The following OBSL1 variants were observed in gnomAD, a reference collection of about 807,000 sequenced individuals.
The protein encoded by OBSL1 is obscurin like cytoskeletal adaptor 1.
Under a neutral mutation model 172.0 loss-of-function variants are expected in OBSL1, and 160 were observed. That is an observed-to-expected ratio of 0.93 (90% CI 0.82 to 1.06). OBSL1 has a LOEUF of 1.06. Ranked by LOEUF, OBSL1 falls within the 50% of genes least tolerant of loss-of-function variation. The probability of loss-of-function intolerance (pLI) is 0.00; values close to 1 mark genes in which losing one functional copy is unlikely to be tolerated. For missense variants in OBSL1, 2,681 were observed against 2,715.4 expected (o/e 0.99, Z 0.28); for synonymous variants, 1,200 against 1,196.3 (o/e 1.00, Z -0.06).
rs556686718 is a variant in OBSL1 at position 219,553,613 on chromosome 2, G to A, written c.4950C>T (p.Cys1650=). 5.9e-5 allele frequency: 95 copies of A among 1,613,878 alleles called. No homozygotes were observed. The South Asian group carries it at 8.8e-4, about 15-fold the overall frequency. ...VTEGDTATFE[C]ELSQALADVT... ...CATCAGCCAAAGCTTGGGAAAGCTC[G>A]CACTCGAACGTAGCTGTGTCGCCCT... Residue 1650 remains cysteine, a synonymous_variant, in exon 16 of 21, where the codon TGC becomes TGT. Transcript: ENST00000404537.
In OBSL1 at chr2:219,568,005, T is replaced by G. The variant is rs1005240718; in HGVS notation, c.1283-36A>C. The G allele has an allele frequency of 5.6e-6, 9 of 1,609,298 alleles. No individual in the cohort carries two copies. The highest frequency in any genetic ancestry group is 7.7e-6 in the Non-Finnish European group (9 of 1,176,238). Reference sequence around the variant, plus strand: ...GACAGGAATCCATCAACCTGGAATCTGAGCACCTGCCTGCCTCCGCCTCAG... The same window carrying G: ...GACAGGAATCCATCAACCTGGAATCGGAGCACCTGCCTGCCTCCGCCTCAG... On this transcript the variant is annotated intron_variant, in intron 2 of 20. Coordinates refer to ENST00000404537, the MANE Select transcript of OBSL1 (RefSeq NM_015311.3). The surrounding 1 kb of genome is among the most constrained non-coding windows in gnomAD (Gnocchi z 4.1).
chr2:219,547,907 T>C, downstream of OBSL1: 1 of 1,596,478 alleles, frequency 6.3e-7, no homozygotes, highest in Non-Finnish European at 8.5e-7. Context: ...TGCCGCTGAC[T>C]ACTTCGCCGA....
intron 20 of OBSL1, 31 bp from the exon 21 acceptor site, chr2:219,550,873 G>A (rs1695565041): frequency 6.2e-7 from 1 of 1,604,298 alleles, no homozygotes; most frequent in South Asian, 1.1e-5. Context: ...ATGGGGCTGG[G>A]GAGAGAAGGG....
At position 219,568,305 on chromosome 2, in the gene OBSL1, T is replaced by G. The variant is rs775933002; in HGVS notation, c.1032A>C (p.Thr344=). 6.2e-7 allele frequency: 1 copy of G among 1,605,960 alleles called. No homozygotes were observed. Among genetic ancestry groups the G allele is most frequent in the Admixed American group, 1.7e-5 (1 of 58,750 alleles). The change falls in exon 2 of 21, where the codon ACA becomes ACC. Residue 344 remains threonine (T), a synonymous_variant. Transcript: ENST00000404537. The surrounding 1 kb of genome is among the most constrained non-coding windows in gnomAD (Gnocchi z 4.1). ...LHVKEPRLRF[T]RPLQDVEGRE... is the part of the protein sequence containing the mutation. ...GGCCCTCCACGTCCTGCAGGGGCCG[T>G]GTGAACCGGAGGCGGGGCTCTGTGG...
At position 219,557,809 on chromosome 2, in the gene OBSL1, C is replaced by T; in HGVS notation, c.3790+14G>A. On this transcript the variant is annotated intron_variant, in intron 11 of 20. Coordinates refer to ENST00000404537, the MANE Select transcript of OBSL1 (RefSeq NM_015311.3). Reference sequence around the variant, plus strand: ...TGGTGCCACTCTCAGGCTTAATGCCCAGGCTGTACTCACCAGCCACCTGGA... The same window carrying T: ...TGGTGCCACTCTCAGGCTTAATGCCTAGGCTGTACTCACCAGCCACCTGGA... 2.5e-6 allele frequency: 4 copies of T among 1,584,248 alleles called. No individual in the cohort carries two copies. Among genetic ancestry groups the T allele is most frequent in the Non-Finnish European group, 3.4e-6 (4 of 1,175,350 alleles).
intron 8 of OBSL1, chr2:219,559,712 T>G: frequency 1.8e-6 from 1 of 548,414 alleles, no homozygotes; most frequent in South Asian, 2.8e-5. Context: ...AATGATGCGT[T>G]TCTCATCTAT....
chr2:219,554,454 T>G lies in OBSL1; in HGVS notation c.4876+20A>C, dbSNP rs368884082. The G allele has an allele frequency of 3.4e-4, 553 of 1,610,634 alleles. No individual in the cohort carries two copies. Among genetic ancestry groups the G allele is most frequent in the Non-Finnish European group, 4.4e-4 (513 of 1,178,066 alleles). ...GGGCCACACAGGTCAGCAGGCAGGC[T>G]GTGGTCCTGGAGGCCACACCTCTCA... On this transcript the variant is annotated intron_variant, in intron 15 of 20. Transcript: ENST00000404537.
At chr2:219,561,231 C>A (rs1696441480) in intron 8 of OBSL1, among the ~76,000 whole-genome samples, 1 of 152,032 alleles carries the variant, frequency 6.6e-6, no homozygotes, top group African/African-American at 2.4e-5. Flanking sequence ...ACTGTGGCCG[C>A]AGTAGGATGG....
At chr2:219,549,392 A>C (rs955861350), downstream of OBSL1, 11 of 1,589,086 alleles carry the variant, frequency 6.9e-6, no homozygotes, top group Non-Finnish European at 9.4e-6. Context: ...AATGAGAAGG[A>C]AGTGTGGAAA....
chr2:219,570,491 G>A lies in OBSL1; in HGVS notation c.742C>T (p.Leu248Phe). ...CAGAAGGTCTTAGGCGCGCACTTGAGCGGCTCCACCACCGGCGCGGGGGCC... is the reference window on the plus strand; with the variant it reads ...CAGAAGGTCTTAGGCGCGCACTTGAACGGCTCCACCACCGGCGCGGGGGCC... ...DEAPAPVVEPLKCAPKTFWVN... is the reference protein window; with the variant it reads ...DEAPAPVVEPFKCAPKTFWVN... Residue 248 changes from leucine (L) to phenylalanine (F), a missense_variant, in exon 1 of 21, where the codon CTC becomes TTC. Coordinates refer to ENST00000404537, the MANE Select transcript of OBSL1 (RefSeq NM_015311.3). The A allele has an allele frequency of 6.2e-7, 1 of 1,612,340 alleles. No individual in the cohort carries two copies. The highest frequency in any genetic ancestry group is 8.5e-7 in the Non-Finnish European group (1 of 1,179,442).
intron 8 of OBSL1, chr2:219,562,023 A>G (rs1435732104): frequency 1.4e-6 from 1 of 717,440 alleles, no homozygotes; most frequent in South Asian, 1.5e-5. Flanking sequence ...AGACCAAACA[A>G]AGCACATGTG....
chr2:219,550,119 CTGTGTGTA>C (rs1223725174), downstream of OBSL1: 1 of 448,280 alleles, frequency 2.2e-6, no homozygotes. Context: ...GCCCGTGTGT[CTGTGTGTA>C]TGTGTGTGGG....
At position 219,556,485 on chromosome 2, in the gene OBSL1, G is replaced by C. The variant is rs749358226; in HGVS notation, c.4305C>G (p.Ser1435Arg). ...DAGTVTLRAGSTATSARLHVR... is the reference protein window; with the variant it reads ...DAGTVTLRAGRTATSARLHVR... ...CATGGAGCCGGGCACTTGTGGCCGT[G>C]CTCCCTGCCCGCAAAGTCACGGTCC... is the stretch of plus-strand genomic sequence containing the variant. Residue 1435 changes from serine (S) to arginine (R), a missense_variant, in exon 13 of 21, where the codon AGC becomes AGG. Around this residue, in one of 5 missense-constraint regions of OBSL1, gnomAD observed 1,765 missense variants for 1,748.3 expected, o/e 1.01. Transcript: ENST00000404537. 2 of 1,613,806 alleles carry C rather than the reference G, an allele frequency of 1.2e-6. No individual in the cohort carries two copies. Among genetic ancestry groups the C allele is most frequent in the South Asian group, 2.2e-5 (2 of 91,080 alleles).
At chr2:219,549,212 G>T (rs139328802), downstream of OBSL1, 1 of 1,614,002 alleles carries the variant, frequency 6.2e-7, no homozygotes, top group Non-Finnish European at 8.5e-7. Flanking sequence ...CAGGAAGATC[G>T]CAAGGAGAAA....
At chr2:219,567,252 G>A (rs192605599) in intron 4 of OBSL1, 21 bp downstream of exon 4, 1 of 1,576,110 alleles carries the variant, frequency 6.3e-7, no homozygotes, top group African/African-American at 1.3e-5. Context: ...GTGATGGGTG[G>A]GTCTGGCAGG....
At chr2:219,552,410 G>T (rs1419738965) in intron 18 of OBSL1, 126 bp downstream of exon 18, 14 of 992,608 alleles carry the variant, frequency 1.4e-5, no homozygotes, top group Admixed American at 2.5e-5. Flanking sequence ...GAACAGGGAC[G>T]AGGCTCACAG....
chr2:219,549,077 G>T (rs1486243724), downstream of OBSL1: 3 of 1,543,860 alleles, frequency 1.9e-6, no homozygotes, highest in South Asian at 1.1e-5. Context: ...GCCACAGGTG[G>T]GATGAGAGAG....
chr2:219,555,605 G>T, intron 14 of OBSL1: 1 of 1,009,392 alleles, frequency 9.9e-7, no homozygotes, highest in Middle Eastern at 4.9e-4. Context: ...AGGAGACTTG[G>T]CTCAAAGAGG....
Position 219,554,467 on chromosome 2 carries a change from G to A in OBSL1, c.4876+7C>T, listed in dbSNP as rs1338040565. ...CAGCAGGCAGGCTGTGGTCCTGGAG[G>A]CCACACCTCTCACAATGAGTCTGGC... is the stretch of plus-strand genomic sequence containing the variant. On this transcript the variant is annotated splice_region_variant and intron_variant, in intron 15 of 20. Transcript: ENST00000404537. 1 of 1,612,240 alleles carries A rather than the reference G, an allele frequency of 6.2e-7. No individual in the cohort carries two copies. The highest frequency in any genetic ancestry group is 1.3e-5 in the African/African-American group (1 of 74,896).
Sources: gnomAD v4.1 joint callset for allele counts (sites outside exome capture counted in the v4.1 genomes callset) on GRCh38, gnomAD v4.1.1 for gene constraint, gnomAD v4.1.1 regional missense constraint, Gnocchi (gnomAD v3.1) non-coding constraint, MANE v1.5 for transcripts, NCBI Gene and HGNC (gene_info 2026-07-23, HGNC 2026-07-21) for gene names.